ZNF462: variants seen among roughly 807,000 people sequenced by gnomAD.
The protein encoded by ZNF462 is zinc finger protein 462.
ZNF462 carries 10 observed loss-of-function variants against 201.9 expected under a neutral mutation model. The ratio of observed to expected loss-of-function variants is 0.05; its 90% CI spans 0.03 to 0.08. The LOEUF is 0.08. Among genes scored for constraint, ZNF462 ranks in the 10% least tolerant of loss-of-function variants. The pLI is 1.00. For missense variants in ZNF462, 2,523 were observed against 3,168.3 expected (o/e 0.80, Z 4.89); for synonymous variants, 1,227 against 1,193.3 (o/e 1.03, Z -0.58).
intron 9 of ZNF462, among the ~76,000 whole-genome samples, chr9:106,980,799 T>A (rs1417290127): frequency 6.6e-6 from 1 of 152,148 alleles, no homozygotes; most frequent in Non-Finnish European, 1.5e-5. Flanking sequence ...ACAATGAGTG[T>A]GATTCAGGCC....
At chr9:106,899,953 T>C (rs543753960) in intron 1 of ZNF462, among the ~76,000 whole-genome samples, 98 of 152,240 alleles carry the variant, frequency 6.4e-4, no homozygotes, top group Admixed American at 6.5e-5. Context: ...CACCCACATA[T>C]ACACTGCACC....
chr9:106,932,793 G>T lies in ZNF462; in HGVS notation c.6116+244G>T. The T allele has an allele frequency of 1.7e-6, 1 of 597,206 alleles. No individual in the cohort carries two copies. The highest frequency in any genetic ancestry group is 2.9e-6 in the Non-Finnish European group (1 of 339,142). 37.0% of individuals were successfully genotyped at this position (597,206 alleles called of 1,614,324 possible). On this transcript the variant is annotated intron_variant, in intron 5 of 12. Transcript: ENST00000277225. The surrounding 1 kb of genome is among the most constrained non-coding windows in gnomAD (Gnocchi z 6.8). ...AAATGAGAATTGGAGGAATTGCTAT[G>T]ATTTACCCAAAGGTAAAATGGCATC...
At chr9:106,945,368 G>T (rs1272204642) in intron 7 of ZNF462, among the ~76,000 whole-genome samples, 1 of 152,228 alleles carries the variant, frequency 6.6e-6, no homozygotes, top group Admixed American at 6.5e-5. Flanking sequence ...CTTTATTTTT[G>T]AAGAGAAGCT....
intron 1 of ZNF462, among the ~76,000 whole-genome samples, chr9:106,900,216 G>A (rs948142473): frequency 5.0e-4 from 58 of 115,964 alleles, no homozygotes; most frequent in African/African-American, 1.8e-3. Context: ...GTGTGTGTGT[G>A]TGTGTGTGTG....
intron 7 of ZNF462, among the ~76,000 whole-genome samples, chr9:106,964,073 T>G (rs1245952088): frequency 6.6e-6 from 1 of 151,664 alleles, no homozygotes; most frequent in Non-Finnish European, 1.5e-5. Context: ...ATTCACATGT[T>G]GATGAACACT....
In ZNF462 at chr9:106,993,380, C is replaced by A. The variant is rs1828437315; in HGVS notation, c.7056+8971C>A. On this transcript the variant is annotated intron_variant, in intron 10 of 12. Coordinates refer to ENST00000277225, the MANE Select transcript of ZNF462 (RefSeq NM_021224.6). The surrounding 1 kb of genome is among the most constrained non-coding windows in gnomAD (Gnocchi z 4.0). ...ATGTTTATCCTCAGAAGCCAGAGTG[C>A]AAAAGGGATAACCATCAGAACCCTC... Among the ~76,000 whole-genome samples, 1 of 152,054 alleles carries A rather than the reference C, an allele frequency of 6.6e-6. No homozygotes were observed. The highest frequency in any genetic ancestry group is 2.1e-4 in the South Asian group (1 of 4,824).
chr9:106,926,067 A>G lies in ZNF462; in HGVS notation c.2155A>G (p.Asn719Asp). Residue 719 changes from asparagine (N) to aspartate (D), a missense_variant, in exon 3 of 13, where the codon AAT becomes GAT. Asn to Asp is a conservative substitution (Grantham distance 23). Coordinates refer to ENST00000277225, the MANE Select transcript of ZNF462 (RefSeq NM_021224.6). The surrounding 1 kb of genome is among the most constrained non-coding windows in gnomAD (Gnocchi z 7.9). ...CAAACAGCAGGAAGATGCAGTGATC[A>G]ATGTTGAGGATGATGAAGAGGAAGA... ...QTKQQEDAVINVEDDEEEEED... is the reference protein window; with the variant it reads ...QTKQQEDAVIDVEDDEEEEED... 1 of 1,614,230 alleles carries G rather than the reference A, an allele frequency of 6.2e-7. No individual in the cohort carries two copies. Among genetic ancestry groups the G allele is most frequent in the East Asian group, 2.2e-5 (1 of 44,888 alleles).
At chr9:106,952,567 A>G (rs879784191) in intron 7 of ZNF462, among the ~76,000 whole-genome samples, 4 of 152,162 alleles carry the variant, frequency 2.6e-5, no homozygotes, top group Admixed American at 2.0e-4. Context: ...GTTGATATAA[A>G]TTTATCTGAA....
In ZNF462 at chr9:106,977,720, T is replaced by C. The variant is rs1288854667; in HGVS notation, c.6832+3447T>C. On this transcript the variant is annotated intron_variant, in intron 9 of 12. Transcript: ENST00000277225. This position sits in a 1 kb window ranked among gnomAD's most constrained non-coding sequence, Gnocchi z 4.6. Reference sequence around the variant, plus strand: ...AGTGAGTGATGGGTATCTAGGTATATTTCTGTTTGTAGTAGAGAGGGGTGG... The same window carrying C: ...AGTGAGTGATGGGTATCTAGGTATACTTCTGTTTGTAGTAGAGAGGGGTGG... Among the ~76,000 whole-genome samples, 1 of 151,490 alleles carries C rather than the reference T, an allele frequency of 6.6e-6. No homozygotes were observed. The highest frequency in any genetic ancestry group is 1.5e-5 in the Non-Finnish European group (1 of 68,020).
At position 106,981,857 on chromosome 9, in the gene ZNF462, A is replaced by G. The variant is rs1827459531; in HGVS notation, c.6833-2329A>G. On this transcript the variant is annotated intron_variant, in intron 9 of 12. Transcript: ENST00000277225. The surrounding 1 kb of genome is among the most constrained non-coding windows in gnomAD (Gnocchi z 4.0). Reference sequence around the variant, plus strand: ...GTGGGACATCATTATATGAAAAATGATACCGGGCTGTTCTTCTTCACCGTA... The same window carrying G: ...GTGGGACATCATTATATGAAAAATGGTACCGGGCTGTTCTTCTTCACCGTA... Among the ~76,000 whole-genome samples the G allele has an allele frequency of 2.0e-5, 3 of 152,320 alleles. No individual in the cohort carries two copies. In the South Asian group the frequency reaches 6.2e-4, roughly 32 times the overall value.
chr9:106,892,219 T>C (rs1283655880), intron 1 of ZNF462, among the ~76,000 whole-genome samples: 6 of 152,184 alleles, frequency 3.9e-5, no homozygotes, highest in Admixed American at 1.3e-4. Context: ...AAAATCCAAG[T>C]ACAAGGTATT....
intron 7 of ZNF462, among the ~76,000 whole-genome samples, chr9:106,959,233 A>G (rs549352420): frequency 4.9e-4 from 74 of 152,250 alleles, no homozygotes; most frequent in African/African-American, 1.7e-3. Context: ...GTAGCAGTGC[A>G]TTTGGCTGTG....
In ZNF462 at chr9:106,870,556, T is replaced by A. The variant is rs1158903490; in HGVS notation, c.-31+7201T>A. The stretch of plus-strand genomic sequence containing the variant: ...CTGTGTAATTCAGGAAGTTATTTGC[T>A]AGACCTTCACATAGACAAATTTTAA... On this transcript the variant is annotated intron_variant, in intron 1 of 12. Coordinates refer to ENST00000277225, the MANE Select transcript of ZNF462 (RefSeq NM_021224.6). This position sits in a 1 kb window ranked among gnomAD's most constrained non-coding sequence, Gnocchi z 4.3. 6.6e-6 allele frequency among the ~76,000 whole-genome samples: 1 copy of A among 152,214 alleles called. No homozygotes were observed. The highest frequency in any genetic ancestry group is 2.4e-5 in the African/African-American group (1 of 41,460).
rs1830703772 is a variant in ZNF462, at chr9:106,938,028, T to C, written c.6236-888T>C. Among the ~76,000 whole-genome samples the C allele has an allele frequency of 1.3e-5, 2 of 152,168 alleles. No homozygotes were observed. Among genetic ancestry groups the C allele is most frequent in the South Asian group, 4.1e-4 (2 of 4,836 alleles). On this transcript the variant is annotated intron_variant, in intron 6 of 12. Coordinates refer to ENST00000277225, the MANE Select transcript of ZNF462 (RefSeq NM_021224.6). The surrounding 1 kb of genome is among the most constrained non-coding windows in gnomAD (Gnocchi z 4.4). ...AATTGATCTTACCAGTGTATATATG[T>C]CCAACAATTTAAGCCTGCCCACTTC...
chr9:106,946,425 T>C (rs1425648218), intron 7 of ZNF462, among the ~76,000 whole-genome samples: 1 of 152,206 alleles, frequency 6.6e-6, no homozygotes, highest in Non-Finnish European at 1.5e-5. Context: ...GAGCTGAAGC[T>C]AGTATTTTAG....
rs143553958 is a variant in ZNF462 at position 106,929,384 on chromosome 9, G to A, written c.5472G>A (p.Glu1824=). ...AGAAGCCCACACTGATGGAAGAAGA[G>A]GAGAGAGGCAACTTTGAGAAAGCCG... The part of the protein sequence containing the change: ...EHEKPTLMEE[E]ERGNFEKAEV... Residue 1824 remains glutamate, a synonymous_variant, in exon 3 of 13, where the codon GAG becomes GAA. Coordinates refer to ENST00000277225, the MANE Select transcript of ZNF462 (RefSeq NM_021224.6). This position sits in a 1 kb window ranked among gnomAD's most constrained non-coding sequence, Gnocchi z 8.7. 153 of 1,613,982 alleles carry A rather than the reference G, an allele frequency of 9.5e-5. No individual in the cohort carries two copies. Among genetic ancestry groups the A allele is most frequent in the African/African-American group, 1.5e-4 (11 of 74,922 alleles).
At chr9:106,896,450 A>G (rs1828816677) in intron 1 of ZNF462, among the ~76,000 whole-genome samples, 1 of 152,092 alleles carries the variant, frequency 6.6e-6, no homozygotes, top group Non-Finnish European at 1.5e-5. Flanking sequence ...GCCAGACTCA[A>G]CCTCATGGCG....
chr9:106,948,683 T>A (rs1831213948), intron 7 of ZNF462, among the ~76,000 whole-genome samples: 1 of 151,780 alleles, frequency 6.6e-6, no homozygotes, highest in Non-Finnish European at 1.5e-5. Context: ...TCTTCAAAAC[T>A]GAACCGTACT....
At position 106,932,396 on chromosome 9, in the gene ZNF462, C is replaced by A; in HGVS notation, c.6013-50C>A. Reference sequence around the variant, plus strand: ...GGAATGTTGGAGGATGAAACCCGGCCGGGGGGATACCATTGCAGTCAATGT... The same window carrying A: ...GGAATGTTGGAGGATGAAACCCGGCAGGGGGGATACCATTGCAGTCAATGT... On this transcript the variant is annotated intron_variant, in intron 4 of 12. Coordinates refer to ENST00000277225, the MANE Select transcript of ZNF462 (RefSeq NM_021224.6). The surrounding 1 kb of genome is among the most constrained non-coding windows in gnomAD (Gnocchi z 6.8). The A allele has an allele frequency of 6.2e-7, 1 of 1,613,368 alleles. No individual in the cohort carries two copies. The highest frequency in any genetic ancestry group is 1.1e-5 in the South Asian group (1 of 90,918).
Sources: allele counts gnomAD v4.1 joint callset (sites outside exome capture counted in the v4.1 genomes callset), GRCh38; gene constraint gnomAD v4.1.1; non-coding constraint Gnocchi (gnomAD v3.1); transcripts MANE v1.5; gene names NCBI Gene and HGNC (gene_info 2026-07-23, HGNC 2026-07-21).